KLHL6: variants seen among roughly 807,000 people sequenced by gnomAD.
KLHL6 encodes the protein kelch-like protein 6.
In KLHL6, 41 loss-of-function variants were observed where a neutral mutation model predicts 58.6. The observed-to-expected ratio is 0.70, with a 90% CI of 0.55 to 0.91. The LOEUF (loss-of-function observed/expected upper bound fraction) is 0.91. Ranked by LOEUF, KLHL6 falls within the 40% of genes least tolerant of loss-of-function variation. KLHL6 has a pLI of 0.00. For missense variants in KLHL6, 714 were observed against 805.6 expected (o/e 0.89, Z 1.38); for synonymous variants, 338 against 322.7 (o/e 1.05, Z -0.51).
chr3:183,531,449 T>TTTTG (rs1286725791), intron 1 of KLHL6, among the ~76,000 whole-genome samples: 30 of 125,724 alleles, frequency 2.4e-4, no homozygotes, highest in African/African-American at 1.0e-3. Context: ...CTGTGTTTTT[T>TTTTG]TTTTTTTTTT....
chr3:183,517,495 C>T (rs990227493), intron 2 of KLHL6, among the ~76,000 whole-genome samples: 1 of 152,174 alleles, frequency 6.6e-6, no homozygotes, highest in African/African-American at 2.4e-5. Context: ...GGCTGAGAAA[C>T]CTGCTGGTTC....
chr3:183,500,653 C>T lies in KLHL6; in HGVS notation c.910-826G>A, dbSNP rs373846533. Among the ~76,000 whole-genome samples the T allele has an allele frequency of 1.3e-3, 203 of 152,266 alleles. 3 individuals carry two copies. Among genetic ancestry groups the T allele is most frequent in the South Asian group, 0.011 (53 of 4,822 alleles). Reference sequence around the variant, plus strand: ...ACTCGCCCCTCAACAGCTAATTATGCCTGTAGGAGCAGTGGTAGATGCCAT... The same window carrying T: ...ACTCGCCCCTCAACAGCTAATTATGTCTGTAGGAGCAGTGGTAGATGCCAT... On this transcript the variant is annotated intron_variant, in intron 3 of 6. Coordinates refer to ENST00000341319, the MANE Select transcript of KLHL6 (RefSeq NM_130446.4).
At chr3:183,507,442 T>C (rs1247264761) in intron 3 of KLHL6, among the ~76,000 whole-genome samples, 1 of 152,110 alleles carries the variant, frequency 6.6e-6, no homozygotes, top group African/African-American at 2.4e-5. Context: ...TGTTTTGCTT[T>C]GCTTTTTGAG....
chr3:183,492,253 G>A lies in KLHL6; in HGVS notation c.1565-25C>T. 1 of 1,552,682 alleles carries A rather than the reference G, an allele frequency of 6.4e-7. No homozygotes were observed. Among genetic ancestry groups the A allele is most frequent in the Non-Finnish European group, 8.7e-7 (1 of 1,146,876 alleles). On this transcript the variant is annotated intron_variant, in intron 6 of 6. Coordinates refer to ENST00000341319, the MANE Select transcript of KLHL6 (RefSeq NM_130446.4). The surrounding 1 kb of genome is among the most constrained non-coding windows in gnomAD (Gnocchi z 5.9). ...CCTGAGGAGAGGGAGGAAACACGGT[G>A]GGCATCGCTCCATTTTTCTGGTTTC...
At position 183,494,071 on chromosome 3, in the gene KLHL6, T is replaced by TC. The variant is rs1344658538; in HGVS notation, c.1350+7dup. 2 of 1,612,280 alleles carry TC rather than the reference T, an allele frequency of 1.2e-6. No individual in the cohort carries two copies. Among genetic ancestry groups the TC allele is most frequent in the East Asian group, 4.5e-5 (2 of 44,866 alleles). ...CAGGCAGTTACTGGTAGAAATCGTG[T>TC]CCTATACCTCTGACCAGCAGTTGTG... On this transcript the variant is annotated splice_region_variant and intron_variant, in intron 5 of 6. Coordinates refer to ENST00000341319, the MANE Select transcript of KLHL6 (RefSeq NM_130446.4).
intron 3 of KLHL6, among the ~76,000 whole-genome samples, chr3:183,502,836 T>C (rs574385236): frequency 1.3e-4 from 20 of 152,350 alleles, no homozygotes; most frequent in Non-Finnish European, 2.1e-4. Flanking sequence ...GTGTTTGTTA[T>C]TTTAAAGTTT....
At chr3:183,537,353 C>G (rs750202923) in intron 1 of KLHL6, among the ~76,000 whole-genome samples, 5 of 152,142 alleles carry the variant, frequency 3.3e-5, no homozygotes, top group Admixed American at 6.5e-5. Flanking sequence ...ATGGACCAGC[C>G]CAAACTTTGC....
At chr3:183,540,456 T>G (rs1560109333) in intron 1 of KLHL6, among the ~76,000 whole-genome samples, 1 of 152,200 alleles carries the variant, frequency 6.6e-6, no homozygotes, top group Non-Finnish European at 1.5e-5. Context: ...CCCTTTATGC[T>G]TGGACCAGTT....
At chr3:183,544,413 A>G (rs188774175) in intron 1 of KLHL6, among the ~76,000 whole-genome samples, 101 of 152,232 alleles carry the variant, frequency 6.6e-4, no homozygotes, top group African/African-American at 2.3e-3. Flanking sequence ...AAAACACAAA[A>G]CAGTAACAAT....
At chr3:183,528,777 C>G (rs1712062163) in intron 1 of KLHL6, among the ~76,000 whole-genome samples, 2 of 152,126 alleles carry the variant, frequency 1.3e-5, no homozygotes, top group Admixed American at 1.3e-4. Flanking sequence ...ATTTTAATAG[C>G]TATTTTTTAA....
chr3:183,546,880 G>A (rs529267773), intron 1 of KLHL6, among the ~76,000 whole-genome samples: 13 of 150,992 alleles, frequency 8.6e-5, no homozygotes, highest in Admixed American at 5.3e-4. Flanking sequence ...AACAAGTGGC[G>A]AGTCCGGACT....
chr3:183,533,065 T>C (rs1712210738), intron 1 of KLHL6, among the ~76,000 whole-genome samples: 1 of 152,140 alleles, frequency 6.6e-6, no homozygotes, highest in Admixed American at 6.5e-5. Flanking sequence ...TACAGACACA[T>C]GAACAGGTTA....
intron 2 of KLHL6, among the ~76,000 whole-genome samples, chr3:183,516,520 A>C (rs1304214061): frequency 6.6e-6 from 1 of 152,198 alleles, no homozygotes; most frequent in Admixed American, 6.5e-5. Flanking sequence ...CTAAAAATAC[A>C]ATCAAAGAAA....
At chr3:183,541,963 G>A (rs1217847310) in intron 1 of KLHL6, among the ~76,000 whole-genome samples, 1 of 152,012 alleles carries the variant, frequency 6.6e-6, no homozygotes, top group African/African-American at 2.4e-5. Flanking sequence ...GCAAAGAGTG[G>A]AGTCAGTTTG....
intron 1 of KLHL6, among the ~76,000 whole-genome samples, chr3:183,540,289 A>G (rs910562716): frequency 6.6e-5 from 10 of 152,218 alleles, no homozygotes; most frequent in African/African-American, 2.2e-4. Flanking sequence ...GTGTGAATAC[A>G]TTCCCTGAGA....
intron 4 of KLHL6, among the ~76,000 whole-genome samples, chr3:183,498,472 G>T (rs1206103312): frequency 2.0e-5 from 3 of 152,150 alleles, no homozygotes; most frequent in Admixed American, 2.0e-4. Context: ...ATGTGATGGG[G>T]AAGAGTGTGG....
intron 1 of KLHL6, among the ~76,000 whole-genome samples, chr3:183,541,250 CCA>C (rs1712543034): frequency 6.6e-6 from 1 of 152,230 alleles, no homozygotes; most frequent in Non-Finnish European, 1.5e-5. Context: ...CCGCCAGCTG[CCA>C]CAGAGGAATC....
chr3:183,507,352 G>A (rs1026707416), intron 3 of KLHL6, among the ~76,000 whole-genome samples: 27 of 152,176 alleles, frequency 1.8e-4, no homozygotes, highest in Admixed American at 1.8e-3. Flanking sequence ...TTTCACCAGA[G>A]TGGGCAAGGA....
chr3:183,496,172 A>G (rs1372767709), intron 4 of KLHL6, among the ~76,000 whole-genome samples: 1 of 152,186 alleles, frequency 6.6e-6, no homozygotes, highest in African/African-American at 2.4e-5. Flanking sequence ...TGCAACACAA[A>G]TAGCAAAGGA....
Sources: allele counts gnomAD v4.1 joint callset (sites outside exome capture counted in the v4.1 genomes callset), GRCh38; gene constraint gnomAD v4.1.1; non-coding constraint Gnocchi (gnomAD v3.1); transcripts MANE v1.5; gene names NCBI Gene and HGNC (gene_info 2026-07-23, HGNC 2026-07-21).